FOXP2: variants seen among roughly 807,000 people sequenced by gnomAD.
FOXP2 encodes the protein forkhead box P2.
Under a neutral mutation model 115.8 loss-of-function variants are expected in FOXP2, and 12 were observed. The observed-to-expected ratio is 0.10, with a 90% CI of 0.07 to 0.17. FOXP2 has a LOEUF of 0.17. Among genes scored for constraint, FOXP2 ranks in the 10% least tolerant of loss-of-function variants. The probability of loss-of-function intolerance (pLI) is 1.00; values close to 1 mark genes in which losing one functional copy is unlikely to be tolerated. For missense variants in FOXP2, 629 were observed against 843.5 expected (o/e 0.75, Z 3.15); for synonymous variants, 328 against 297.7 (o/e 1.10, Z -1.05).
intron 2 of FOXP2, among the ~76,000 whole-genome samples, chr7:114,487,385 A>G (rs1432048054): frequency 6.6e-6 from 1 of 151,876 alleles, no homozygotes; most frequent in Non-Finnish European, 1.5e-5. Flanking sequence ...CCAGGAAACC[A>G]TTTTTTCCTC....
Position 114,692,538 on chromosome 7 carries a change from A to C in FOXP2, c.*2612A>C, listed in dbSNP as rs762397203. ...CTTTTTCTAAGAAAAATGTTGCTTTAATGCATTTCATGAATTTTTACTCTT... is the reference window on the plus strand; with the variant it reads ...CTTTTTCTAAGAAAAATGTTGCTTTCATGCATTTCATGAATTTTTACTCTT... On this transcript the variant is annotated 3_prime_UTR_variant, in exon 17 of 17. Transcript: ENST00000350908. 5 of 453,824 alleles carry C rather than the reference A, an allele frequency of 1.1e-5. No homozygotes were observed. Among genetic ancestry groups the C allele is most frequent in the South Asian group, 4.7e-5 (3 of 64,246 alleles). 28.1% of individuals were successfully genotyped at this position (453,824 alleles called of 1,614,324 possible).
chr7:114,325,781 A>C (rs1797540475), intron 2 of FOXP2, among the ~76,000 whole-genome samples: 1 of 152,006 alleles, frequency 6.6e-6, no homozygotes, highest in Non-Finnish European at 1.5e-5. Context: ...TCTATCTTTG[A>C]TGTACTTAGC....
At chr7:114,098,222 G>A (rs186215572) in intron 1 of FOXP2, among the ~76,000 whole-genome samples, 347 of 152,286 alleles carry the variant, frequency 2.3e-3, no homozygotes, top group Non-Finnish European at 3.2e-3. Context: ...GTTGTGCACA[G>A]TGTAAAGACA....
At chr7:114,228,577 A>G (rs1794798309) in intron 1 of FOXP2, among the ~76,000 whole-genome samples, 1 of 151,968 alleles carries the variant, frequency 6.6e-6, no homozygotes, top group South Asian at 2.1e-4. Flanking sequence ...AGATTATAGT[A>G]GTACAGATGA....
intron 2 of FOXP2, among the ~76,000 whole-genome samples, chr7:114,354,395 A>G (rs749038913): frequency 6.6e-6 from 1 of 152,126 alleles, no homozygotes; most frequent in Non-Finnish European, 1.5e-5. Context: ...ATGTATATAT[A>G]AAACCTTCAT....
At chr7:114,611,391 TCTTATTTTC>T (rs1413376786) in intron 3 of FOXP2, among the ~76,000 whole-genome samples, 1 of 151,928 alleles carries the variant, frequency 6.6e-6, no homozygotes, top group Non-Finnish European at 1.5e-5. Flanking sequence ...AACAGTATTT[TCTTATTTTC>T]TAATCACCAC....
At chr7:114,271,936 T>A (rs1796065992) in intron 1 of FOXP2, among the ~76,000 whole-genome samples, 1 of 131,326 alleles carries the variant, frequency 7.6e-6, no homozygotes, top group Non-Finnish European at 1.6e-5. Flanking sequence ...ATTATAATAT[T>A]AATATATTGT....
chr7:114,654,602 A>G (rs1364321024), intron 10 of FOXP2, among the ~76,000 whole-genome samples: 2 of 152,162 alleles, frequency 1.3e-5, no homozygotes, highest in African/African-American at 4.8e-5. Flanking sequence ...GAAAATTAAG[A>G]CTAGTTTCCC....
chr7:114,254,870 T>C (rs1795564046), intron 1 of FOXP2, among the ~76,000 whole-genome samples: 1 of 152,230 alleles, frequency 6.6e-6, no homozygotes, highest in Admixed American at 6.5e-5. Flanking sequence ...AGACGCGCTC[T>C]CATTTTTAGA....
At chr7:114,209,106 C>G (rs774983260) in intron 1 of FOXP2, among the ~76,000 whole-genome samples, 1 of 152,142 alleles carries the variant, frequency 6.6e-6, no homozygotes, top group Non-Finnish European at 1.5e-5. Context: ...ATAATTGAAT[C>G]ATGGCATGGT....
intron 2 of FOXP2, among the ~76,000 whole-genome samples, chr7:114,388,610 T>C (rs1229718243): frequency 6.6e-6 from 1 of 152,158 alleles, no homozygotes; most frequent in Non-Finnish European, 1.5e-5. Flanking sequence ...CATTTTAGAA[T>C]TTATAAGATC....
intron 2 of FOXP2, among the ~76,000 whole-genome samples, chr7:114,385,832 A>G (rs1015914143): frequency 2.6e-5 from 4 of 152,068 alleles, no homozygotes; most frequent in Non-Finnish European, 5.9e-5. Flanking sequence ...GCCACTTCCA[A>G]GATGGTGGCG....
intron 1 of FOXP2, among the ~76,000 whole-genome samples, chr7:114,211,359 C>G (rs967089460): frequency 6.6e-6 from 1 of 152,186 alleles, no homozygotes; most frequent in Non-Finnish European, 1.5e-5. Context: ...ACAAGGGGAT[C>G]TCCTGATGTG....
At chr7:114,255,575 C>T (rs1051793855) in intron 1 of FOXP2, among the ~76,000 whole-genome samples, 13 of 152,276 alleles carry the variant, frequency 8.5e-5, no homozygotes, top group Admixed American at 3.3e-4. Flanking sequence ...GATCCGTGGG[C>T]GTGGGACCCT....
chr7:114,546,720 A>G (rs1472492223), intron 3 of FOXP2, among the ~76,000 whole-genome samples: 1 of 152,164 alleles, frequency 6.6e-6, no homozygotes, highest in African/African-American at 2.4e-5. Context: ...CCAGAATTGC[A>G]TTTTTATTTT....
intron 1 of FOXP2, among the ~76,000 whole-genome samples, chr7:114,111,005 A>G (rs923876): frequency 0.98 from 148,541 of 152,204 alleles, 72,591 homozygotes; most frequent in East Asian, 1. Context: ...AAGGTGTGGA[A>G]CAGATAGGAA....
At chr7:114,429,024 T>C (rs917007871) in intron 2 of FOXP2, among the ~76,000 whole-genome samples, 1 of 151,574 alleles carries the variant, frequency 6.6e-6, no homozygotes, top group Non-Finnish European at 1.5e-5. Flanking sequence ...GTAAACAAAG[T>C]AAAATTTTGT....
intron 2 of FOXP2, among the ~76,000 whole-genome samples, chr7:114,483,594 C>T (rs1171689617): frequency 6.6e-6 from 1 of 151,654 alleles, no homozygotes; most frequent in African/African-American, 2.4e-5. Context: ...TGACATCTTT[C>T]CTTTCTCAAG....
intron 2 of FOXP2, among the ~76,000 whole-genome samples, chr7:114,393,504 A>G (rs751745718): frequency 4.6e-5 from 7 of 152,112 alleles, no homozygotes; most frequent in Non-Finnish European, 1.0e-4. Context: ...CACATAGAAG[A>G]GCAGCCTGGC....
Sources: allele counts gnomAD v4.1 joint callset (sites outside exome capture counted in the v4.1 genomes callset), GRCh38; gene constraint gnomAD v4.1.1; transcripts MANE v1.5; gene names NCBI Gene and HGNC (gene_info 2026-07-23, HGNC 2026-07-21).